The following OR3A3 variants were observed in gnomAD, a reference collection of about 807,000 sequenced individuals.
OR3A3 encodes the protein olfactory receptor family 3 subfamily A member 3, also known as olfactory receptor 3A3.
For missense variants in OR3A3, 275 were observed against 391.4 expected (o/e 0.70, Z 2.51); for synonymous variants, 103 against 163.9 (o/e 0.63, Z 2.84).
exon 3 of OR3A3, chr17:3,424,004 T>C (rs954285668): frequency 2.0e-5 from 3 of 151,350 alleles, no homozygotes; most frequent in African/African-American, 7.3e-5. Context: ...AGATTTCCTA[T>C]ATATATGATA....
intron 2 of OR3A3, among the ~76,000 whole-genome samples, chr17:3,419,997 G>A (rs1042408686): frequency 1.1e-4 from 16 of 152,018 alleles, no homozygotes; most frequent in African/African-American, 2.9e-4. Context: ...TCAATCTCCT[G>A]ACCTCGTGAT....
intron 2 of OR3A3, among the ~76,000 whole-genome samples, chr17:3,414,399 T>C (rs2072379198): frequency 6.6e-6 from 1 of 152,146 alleles, no homozygotes; most frequent in African/African-American, 2.4e-5. Context: ...CACATATTTC[T>C]ACTGTGCAGC....
intron 2 of OR3A3, among the ~76,000 whole-genome samples, chr17:3,415,094 CTGAA>C (rs968419657): frequency 2.6e-5 from 4 of 151,952 alleles, no homozygotes; most frequent in African/African-American, 9.7e-5. Flanking sequence ...CTTTTACTTA[CTGAA>C]TATCTTACCA....
rs371189166 is a variant in OR3A3 at position 3,411,960 on chromosome 17, C to T, written c.-200-18C>T. On this transcript the variant is annotated intron_variant, in intron 1 of 2. Transcript: ENST00000641141. ...GTCTCCTTTTCCGTGTCTCTCCCCCCATCCTTCTCTCTCCTAGGAGAGCCA... is the reference window on the plus strand; with the variant it reads ...GTCTCCTTTTCCGTGTCTCTCCCCCTATCCTTCTCTCTCCTAGGAGAGCCA... 1 of 151,816 alleles carries T rather than the reference C, an allele frequency of 6.6e-6. No individual in the cohort carries two copies. Among genetic ancestry groups the T allele is most frequent in the South Asian group, 2.1e-4 (1 of 4,798 alleles). The allele number at this position is 151,816 out of a possible 1,614,324, so 9.4% of individuals were successfully genotyped here.
chr17:3,421,436 T>C (rs1430355086), exon 3 of OR3A3: 2 of 1,609,330 alleles, frequency 1.2e-6, no homozygotes, highest in South Asian at 1.1e-5. Context: ...ATGACTGTGA[T>C]CAACCCCATG....
At chr17:3,419,336 T>C (rs539606943) in intron 2 of OR3A3, among the ~76,000 whole-genome samples, 135 of 152,334 alleles carry the variant, frequency 8.9e-4, no homozygotes, top group African/African-American at 3.1e-3. Context: ...AGTTTCAATA[T>C]TTTCTAGTTT....
chr17:3,422,373 A>G (rs911731933), exon 3 of OR3A3: 2 of 152,188 alleles, frequency 1.3e-5, no homozygotes, highest in African/African-American at 4.8e-5. Context: ...TTGATAAATC[A>G]TCTTCCTGAC....
intron 2 of OR3A3, among the ~76,000 whole-genome samples, chr17:3,419,353 A>C (rs1443071684): frequency 6.6e-6 from 1 of 152,066 alleles, no homozygotes; most frequent in Non-Finnish European, 1.5e-5. Flanking sequence ...GTTTCTCTGA[A>C]ACTCTCATGA....
exon 3 of OR3A3, chr17:3,422,117 G>A (rs1406461246): frequency 6.6e-6 from 1 of 152,188 alleles, no homozygotes; most frequent in Non-Finnish European, 1.5e-5. Flanking sequence ...AGTGTGGAAA[G>A]GTATTTTGAA....
intron 2 of OR3A3, among the ~76,000 whole-genome samples, chr17:3,414,775 C>A (rs1016473030): frequency 6.6e-6 from 1 of 152,140 alleles, no homozygotes; most frequent in African/African-American, 2.4e-5. Flanking sequence ...ACTCCCAGAA[C>A]CCACCCAAGG....
exon 3 of OR3A3, chr17:3,422,292 A>G (rs7212078): frequency 0.46 from 69,623 of 151,646 alleles, 17,238 homozygotes; most frequent in Non-Finnish European, 0.58. Context: ...ATGTTAATAC[A>G]TAAGTGATAT....
At chr17:3,417,357 G>A (rs2072398712) in intron 2 of OR3A3, among the ~76,000 whole-genome samples, 1 of 152,090 alleles carries the variant, frequency 6.6e-6, no homozygotes, top group Non-Finnish European at 1.5e-5. Context: ...AACTAAGGAA[G>A]TCAGCATACC....
At chr17:3,421,047 T>C in exon 3 of OR3A3, 1 of 1,614,172 alleles carries the variant, frequency 6.2e-7, no homozygotes. Flanking sequence ...CCTGGGCTTG[T>C]GCCTTCACCA....
At chr17:3,423,889 C>G (rs1053798501) in exon 3 of OR3A3, 1 of 150,632 alleles carries the variant, frequency 6.6e-6, no homozygotes, top group Non-Finnish European at 1.5e-5. Context: ...GCTGAGATAG[C>G]GCCACTGCAC....
At chr17:3,418,604 A>T (rs965047242) in intron 2 of OR3A3, among the ~76,000 whole-genome samples, 2 of 152,160 alleles carry the variant, frequency 1.3e-5, no homozygotes, top group Non-Finnish European at 2.9e-5. Context: ...TATTTTGGTG[A>T]CCATCCCCCA....
intron 2 of OR3A3, among the ~76,000 whole-genome samples, chr17:3,418,046 G>A (rs1409513371): frequency 6.6e-6 from 1 of 152,126 alleles, no homozygotes; most frequent in East Asian, 1.9e-4. Context: ...ACTCTTCCCT[G>A]AGGTCTTGTA....
At chr17:3,420,746 T>A in exon 3 of OR3A3, 1 of 1,390,796 alleles carries the variant, frequency 7.2e-7, no homozygotes, top group Non-Finnish European at 9.8e-7. Context: ...GCCGTCTTGG[T>A]GGAGCCCAAA....
chr17:3,419,867 G>A (rs1039316927), intron 2 of OR3A3, among the ~76,000 whole-genome samples: 27 of 150,766 alleles, frequency 1.8e-4, no homozygotes, highest in African/African-American at 6.1e-4. Flanking sequence ...CCAGGTTCAC[G>A]CCATTCTCCT....
intron 2 of OR3A3, among the ~76,000 whole-genome samples, chr17:3,413,975 C>A (rs144330262): frequency 6.6e-6 from 1 of 152,160 alleles, no homozygotes; most frequent in East Asian, 1.9e-4. Context: ...GGCTGGTCAT[C>A]GAGACAGCCT....
Sources: allele counts gnomAD v4.1 joint callset (sites outside exome capture counted in the v4.1 genomes callset), GRCh38; gene constraint gnomAD v4.1.1; transcripts MANE v1.5; gene names NCBI Gene and HGNC (gene_info 2026-07-23, HGNC 2026-07-21).